The following ANK2 variants were observed in gnomAD, a reference collection of about 807,000 sequenced individuals.
ANK2 encodes ankyrin-2.
Under a neutral mutation model 360.5 loss-of-function variants are expected in ANK2, and 83 were observed. The ratio of observed to expected loss-of-function variants is 0.23; its 90% CI spans 0.19 to 0.28. The LOEUF is 0.28. Ranked by LOEUF, ANK2 falls within the 10% of genes least tolerant of loss-of-function variation. The pLI is 1.00. For missense variants in ANK2, 4,201 were observed against 4,795.7 expected (o/e 0.88, Z 3.66); for synonymous variants, 1,740 against 1,759.5 (o/e 0.99, Z 0.28).
intron 2 of ANK2, among the ~76,000 whole-genome samples, chr4:112,994,370 T>C (rs1030598092): frequency 2.6e-5 from 4 of 152,210 alleles, no homozygotes; most frequent in African/African-American, 7.2e-5. Context: ...AATTCCTTCA[T>C]TGGCAGATTC....
At chr4:113,037,377 C>T (rs181709221) in intron 2 of ANK2, among the ~76,000 whole-genome samples, 61 of 152,034 alleles carry the variant, frequency 4.0e-4, no homozygotes, top group Non-Finnish European at 7.2e-4. Flanking sequence ...TTGTGAAATA[C>T]TATTATACTT....
chr4:113,145,922 A>G (rs767077740), intron 1 of ANK2: 1 of 1,289,880 alleles, frequency 7.8e-7, no homozygotes, highest in South Asian at 1.2e-5. Context: ...GCATAAGAGC[A>G]CAAGGAAACA....
At chr4:112,788,586 A>G in the ANK2 span, 1 of 1,587,158 alleles carries the variant, frequency 6.3e-7, no homozygotes. Context: ...CTTGTGGGCC[A>G]GCTTAAGCAG....
At chr4:112,983,059 A>T (rs1453107650) in intron 2 of ANK2, among the ~76,000 whole-genome samples, 1 of 152,112 alleles carries the variant, frequency 6.6e-6, no homozygotes, top group African/African-American at 2.4e-5. Flanking sequence ...AATAGTAACT[A>T]TTTTTTATTT....
chr4:113,128,114 A>T (rs13107774), intron 1 of ANK2, among the ~76,000 whole-genome samples: 1 of 152,158 alleles, frequency 6.6e-6, no homozygotes, highest in Non-Finnish European at 1.5e-5. Context: ...AATTGCAGAG[A>T]CTTTATATGT....
the ANK2 span, among the ~76,000 whole-genome samples, chr4:112,735,026 T>A: frequency 6.6e-6 from 1 of 152,236 alleles, no homozygotes; most frequent in Non-Finnish European, 1.5e-5. Context: ...CCTAGAGCAA[T>A]TGCACATGTT....
At chr4:113,305,067 G>A (rs144496717) in intron 23 of ANK2, among the ~76,000 whole-genome samples, 3,814 of 152,056 alleles carry the variant, frequency 0.025, 97 homozygotes, top group African/African-American at 0.067. Context: ...TCGGCCGGGC[G>A]CGGTGGCTCA....
At position 112,916,714 on chromosome 4, in the gene ANK2, C is replaced by A. The variant is rs527948488; in HGVS notation, c.21+12200C>A. 5.9e-5 allele frequency among the ~76,000 whole-genome samples: 9 copies of A among 152,210 alleles called. No homozygotes were observed. The East Asian group carries it at 1.7e-3, about 29-fold the overall frequency. On this transcript the variant is annotated intron_variant, in intron 2 of 30. Coordinates refer to the ANK2 transcript ENST00000503271. ...TTAAAAAAGTAAAAAGCAAACAAAA[C>A]CCCAAAACTCTGATACACATTTGTC... is the stretch of plus-strand genomic sequence containing the variant.
At chr4:113,164,950 C>G (rs555414691) in intron 1 of ANK2, among the ~76,000 whole-genome samples, 1 of 152,174 alleles carries the variant, frequency 6.6e-6, no homozygotes, top group Admixed American at 6.5e-5. Context: ...CTCAAAAGTT[C>G]TCTCTTTTTT....
intron 4 of ANK2, among the ~76,000 whole-genome samples, chr4:113,226,556 A>G (rs892343476): frequency 5.3e-5 from 8 of 152,190 alleles, no homozygotes; most frequent in Non-Finnish European, 1.2e-4. Context: ...ATAATTTAAA[A>G]AAACTAATTA....
the ANK2 span, among the ~76,000 whole-genome samples, chr4:112,790,886 T>C: frequency 1.3e-5 from 2 of 152,218 alleles, no homozygotes; most frequent in Non-Finnish European, 2.9e-5. Context: ...TAAAATATAA[T>C]GTCCCTGTAT....
At chr4:113,020,896 G>A (rs565271469) in intron 2 of ANK2, among the ~76,000 whole-genome samples, 1 of 151,930 alleles carries the variant, frequency 6.6e-6, no homozygotes, top group Admixed American at 6.6e-5. Flanking sequence ...GAATAGTGTA[G>A]CAGTCCATTT....
chr4:112,893,614 T>A (rs1050733517), intron 1 of ANK2, among the ~76,000 whole-genome samples: 3 of 152,252 alleles, frequency 2.0e-5, no homozygotes, highest in African/African-American at 7.2e-5. Flanking sequence ...GCATGTTGTA[T>A]ACATTCTCTA....
intron 23 of ANK2, among the ~76,000 whole-genome samples, chr4:113,303,119 G>A (rs1405489020): frequency 2.6e-5 from 4 of 152,106 alleles, no homozygotes; most frequent in African/African-American, 7.2e-5. Context: ...ACTGGAAACT[G>A]GCCATGTGTT....
intron 2 of ANK2, among the ~76,000 whole-genome samples, chr4:112,942,928 A>T (rs1561208393): frequency 6.6e-6 from 1 of 152,076 alleles, no homozygotes; most frequent in African/African-American, 2.4e-5. Context: ...CTAAAGTATT[A>T]TCAACATGAA....
intron 1 of ANK2, among the ~76,000 whole-genome samples, chr4:112,838,250 C>T (rs1027244672): frequency 6.6e-6 from 1 of 152,192 alleles, no homozygotes; most frequent in African/African-American, 2.4e-5. Flanking sequence ...CCTGCTTCCC[C>T]TTCCCCTTCT....
chr4:113,037,968 T>C (rs1266355616), intron 2 of ANK2, among the ~76,000 whole-genome samples: 1 of 152,074 alleles, frequency 6.6e-6, no homozygotes, highest in African/African-American at 2.4e-5. Flanking sequence ...ATTTTCCTAG[T>C]ATAGAGTTTG....
At chr4:113,255,230 T>C (rs2048648128) in intron 10 of ANK2, among the ~76,000 whole-genome samples, 1 of 152,208 alleles carries the variant, frequency 6.6e-6, no homozygotes, top group African/African-American at 2.4e-5. Context: ...CCTAATACTA[T>C]AGGTAAAAGG....
Position 113,190,299 on chromosome 4 carries a change from C to CA in ANK2, c.187-6068dup, listed in dbSNP as rs2098636977. On this transcript the variant is annotated intron_variant, in intron 2 of 45. Coordinates refer to ENST00000357077, the MANE Select transcript of ANK2 (RefSeq NM_001148.6). ...TTTTAGTTTTCATTTTTTGTAGAGACAGGGCTCTCTATGTTGCCAAGGCTG... is the reference window on the plus strand; with the variant it reads ...TTTTAGTTTTCATTTTTTGTAGAGACAAGGGCTCTCTATGTTGCCAAGGCTG... 2.0e-5 allele frequency among the ~76,000 whole-genome samples: 3 copies of CA among 152,078 alleles called. No homozygotes were observed. The East Asian group carries it at 5.8e-4, about 29-fold the overall frequency.
Sources: allele counts gnomAD v4.1 joint callset (sites outside exome capture counted in the v4.1 genomes callset), GRCh38; gene constraint gnomAD v4.1.1; transcripts MANE v1.5; gene names NCBI Gene and HGNC (gene_info 2026-07-23, HGNC 2026-07-21).